PRPF18: variants seen among roughly 807,000 people sequenced by gnomAD.
PRPF18 encodes the protein pre-mRNA-splicing factor 18.
Under a neutral mutation model 46.5 loss-of-function variants are expected in PRPF18, and 38 were observed. The observed-to-expected ratio is 0.82, with a 90% CI of 0.63 to 1.07. PRPF18 has a LOEUF of 1.07. Ranked by LOEUF, PRPF18 falls within the 50% of genes least tolerant of loss-of-function variation. The pLI is 0.00. For missense variants in PRPF18, 263 were observed against 410.0 expected, an observed-to-expected ratio of 0.64 and a Z score of 3.10; for synonymous variants, 152 against 146.7, an observed-to-expected ratio of 1.04 and a Z score of -0.26.
intron 1 of PRPF18, chr10:13,591,513 G>C: frequency 1.4e-6 from 1 of 710,616 alleles, no homozygotes; most frequent in Non-Finnish European, 2.6e-6. Flanking sequence ...ACAGATCGCA[G>C]GTAGTCCTGG....
At chr10:13,630,116 T>C in intron 9 of PRPF18, 144 bp from the exon 10 acceptor site, 1 of 621,232 alleles carries the variant, frequency 1.6e-6, no homozygotes, top group Non-Finnish European at 2.9e-6. Context: ...AAGAAAAATT[T>C]CTCTAGGCAT....
chr10:13,609,317 T>C (rs547378932), intron 4 of PRPF18, among the ~76,000 whole-genome samples: 1 of 152,354 alleles, frequency 6.6e-6, no homozygotes, highest in East Asian at 1.9e-4. Flanking sequence ...ACTCCTATTC[T>C]GTAGGTGAGT....
At position 13,598,498 on chromosome 10, in the gene PRPF18, TTGATTTTGTAGTGC is replaced by T. The variant is rs1363698486; in HGVS notation, c.144+966_144+979del. Among the ~76,000 whole-genome samples the T allele has an allele frequency of 9.2e-5, 14 of 152,262 alleles. No individual in the cohort carries two copies. The East Asian group carries it at 2.5e-3, about 27-fold the overall frequency. On this transcript the variant is annotated intron_variant, in intron 2 of 9. Coordinates refer to ENST00000378572, the MANE Select transcript of PRPF18 (RefSeq NM_003675.4). ...CACATGGTATGTATATGCATTTGGTTTGATTTTGTAGTGCTGGGAGAAGACAAGTATTAAAGAAA... is the reference window on the plus strand; with the variant it reads ...CACATGGTATGTATATGCATTTGGTTTGGGAGAAGACAAGTATTAAAGAAA...
chr10:13,602,152 C>T (rs1215277428), intron 3 of PRPF18, among the ~76,000 whole-genome samples: 1 of 152,156 alleles, frequency 6.6e-6, no homozygotes, highest in Non-Finnish European at 1.5e-5. Flanking sequence ...ATGTTTCAGC[C>T]TTTGCCAATC....
At position 13,610,134 on chromosome 10, in the gene PRPF18, A is replaced by G. The variant is rs759686253; in HGVS notation, c.459A>G (p.Thr153=). The change falls in exon 5 of 10, where the codon ACA becomes ACG. Residue 153 remains threonine, a synonymous_variant. Coordinates refer to ENST00000378572, the MANE Select transcript of PRPF18 (RefSeq NM_003675.4). The part of the protein sequence containing the change: ...VGGQEPGEED[T]QNDLKVHEEN... ...GTCAGGAGCCTGGAGAGGAAGACAC[A>G]CAGAATGATCTGAAAGTTCATGAGG... 25 of 1,614,050 alleles carry G rather than the reference A, an allele frequency of 1.5e-5. No individual in the cohort carries two copies. The highest frequency in any genetic ancestry group is 5.0e-5 in the Admixed American group (3 of 60,010).
downstream of PRPF18, chr10:13,631,091 A>G (rs2080585593): frequency 2.0e-5 from 3 of 152,332 alleles, no homozygotes; most frequent in Middle Eastern, 3.4e-3. Context: ...GAGAGTGGGG[A>G]AATTGTGATG....
chr10:13,587,706 C>T (rs1229609544), intron 1 of PRPF18, among the ~76,000 whole-genome samples: 1 of 152,214 alleles, frequency 6.6e-6, no homozygotes, highest in East Asian at 1.9e-4. Flanking sequence ...AGAAGGAGTA[C>T]CTAAAACCCG....
At chr10:13,652,012 G>A in the PRPF18 span, 3 of 1,104,634 alleles carry the variant, frequency 2.7e-6, no homozygotes, top group Non-Finnish European at 4.2e-6. Flanking sequence ...GAGAAGAGAG[G>A]TCATGTTACA....
At chr10:13,605,333 C>T (rs7903005) in intron 3 of PRPF18, among the ~76,000 whole-genome samples, 2,086 of 152,186 alleles carry the variant, frequency 0.014, 54 homozygotes, top group African/African-American at 0.048. Context: ...CCTGTAATCC[C>T]AGCACTTTGG....
the PRPF18 span, chr10:13,651,758 A>G: frequency 1.6e-6 from 1 of 632,138 alleles, no homozygotes; most frequent in Non-Finnish European, 2.9e-6. Flanking sequence ...AGCTAAAAAC[A>G]TAGTTCCAGT....
At chr10:13,628,910 T>C (rs1452937302) in intron 9 of PRPF18, among the ~76,000 whole-genome samples, 1 of 152,150 alleles carries the variant, frequency 6.6e-6, no homozygotes, top group East Asian at 1.9e-4. Context: ...GTCTCTGCCC[T>C]TGCCCTGGCC....
downstream of PRPF18, among the ~76,000 whole-genome samples, chr10:13,633,659 A>G (rs549649451): frequency 5.6e-4 from 85 of 152,314 alleles, 1 homozygote; most frequent in South Asian, 7.3e-3. Context: ...GAAAGGGAGC[A>G]TTAAGCTGAG....
At chr10:13,615,584 A>G (rs2080327215) in intron 8 of PRPF18, among the ~76,000 whole-genome samples, 2 of 152,152 alleles carry the variant, frequency 1.3e-5, no homozygotes, top group Non-Finnish European at 2.9e-5. Context: ...TATCAATCTC[A>G]TAGGTGTCTG....
chr10:13,607,491 C>T (rs1455800908), intron 4 of PRPF18, among the ~76,000 whole-genome samples: 4 of 152,110 alleles, frequency 2.6e-5, no homozygotes, highest in Admixed American at 6.5e-5. Flanking sequence ...TGGCTAACTG[C>T]AACCTCTAGC....
At chr10:13,598,572 A>G (rs565911086) in intron 2 of PRPF18, among the ~76,000 whole-genome samples, 1 of 152,344 alleles carries the variant, frequency 6.6e-6, no homozygotes, top group East Asian at 1.9e-4. Context: ...GAAGTGACTT[A>G]AAAAAATTTT....
intron 1 of PRPF18, among the ~76,000 whole-genome samples, chr10:13,597,221 A>G (rs984763227): frequency 2.6e-5 from 4 of 152,208 alleles, no homozygotes; most frequent in African/African-American, 9.6e-5. Flanking sequence ...CTACTGATTG[A>G]TACTGCAAGA....
At chr10:13,603,287 T>C (rs927210798) in intron 3 of PRPF18, among the ~76,000 whole-genome samples, 9 of 152,094 alleles carry the variant, frequency 5.9e-5, no homozygotes, top group African/African-American at 2.2e-4. Context: ...GTGTCATTTT[T>C]TGGGGGAGGT....
chr10:13,604,823 T>C (rs2080161738), intron 3 of PRPF18, among the ~76,000 whole-genome samples: 1 of 152,250 alleles, frequency 6.6e-6, no homozygotes, highest in Admixed American at 6.5e-5. Context: ...AACAAGTGTT[T>C]GATCACCAAA....
chr10:13,598,110 C>G (rs900419461), intron 2 of PRPF18, among the ~76,000 whole-genome samples: 58 of 152,028 alleles, frequency 3.8e-4, no homozygotes, highest in Non-Finnish European at 2.9e-4. Context: ...ACTGTTTAGT[C>G]TGTTGGATAG....
Sources: allele counts gnomAD v4.1 joint callset (sites outside exome capture counted in the v4.1 genomes callset), GRCh38; gene constraint gnomAD v4.1.1; transcripts MANE v1.5; gene names NCBI Gene and HGNC (gene_info 2026-07-23, HGNC 2026-07-21).